GTF3C1: variants seen among roughly 807,000 people sequenced by gnomAD.
GTF3C1 encodes general transcription factor 3C polypeptide 1.
GTF3C1 carries 57 observed loss-of-function variants against 226.7 expected under a neutral mutation model. The observed-to-expected ratio is 0.25, with a 90% CI of 0.20 to 0.31. The LOEUF (loss-of-function observed/expected upper bound fraction) is 0.31. Ranked by LOEUF, GTF3C1 falls within the 10% of genes least tolerant of loss-of-function variation. GTF3C1 has a pLI of 1.00. For missense variants in GTF3C1, 2,217 were observed against 2,776.1 expected (o/e 0.80, Z 4.53); for synonymous variants, 1,090 against 1,084.8 (o/e 1.00, Z -0.09).
intron 4 of GTF3C1, among the ~76,000 whole-genome samples, chr16:27,537,522 A>C (rs2089019469): frequency 6.6e-6 from 1 of 152,072 alleles, no homozygotes; most frequent in Non-Finnish European, 1.5e-5. Flanking sequence ...CGATCCTCCT[A>C]CCTCAGCCTC....
chr16:27,526,447 AC>A (rs904831542), intron 6 of GTF3C1, among the ~76,000 whole-genome samples: 1 of 152,188 alleles, frequency 6.6e-6, no homozygotes, highest in African/African-American at 2.4e-5. Flanking sequence ...ACAATGCCAG[AC>A]TTCTGTCTCT....
At chr16:27,505,803 G>T in intron 10 of GTF3C1, 96 bp downstream of exon 10, 2 of 765,972 alleles carry the variant, frequency 2.6e-6, no homozygotes, top group South Asian at 1.6e-5. Flanking sequence ...TCTCGCTGTG[G>T]ATGATTCCAC....
Position 27,538,136 on chromosome 16 carries a change from A to C in GTF3C1, c.608+44T>G, listed in dbSNP as rs199533445. 48 of 1,380,440 alleles carry C rather than the reference A, an allele frequency of 3.5e-5. No individual in the cohort carries two copies. In the East Asian group the frequency reaches 1.1e-3, roughly 32 times the overall value. The allele number at this position is 1,380,440 out of a possible 1,614,324, so 85.5% of individuals were successfully genotyped here. ...CCCCTGCATTTGGGATTCAGGGTGCAATGACATATAATTTAAAGCAGAGAA... is the reference window on the plus strand; with the variant it reads ...CCCCTGCATTTGGGATTCAGGGTGCCATGACATATAATTTAAAGCAGAGAA... On this transcript the variant is annotated intron_variant, in intron 3 of 36. Transcript: ENST00000356183.
chr16:27,508,441 T>G (rs1293250421), intron 8 of GTF3C1, 99 bp downstream of exon 8: 1 of 911,036 alleles, frequency 1.1e-6, no homozygotes, highest in Non-Finnish European at 1.8e-6. Flanking sequence ...TTGACACAGA[T>G]GTCAGGCCAT....
chr16:27,501,850 A>C (rs972369519), intron 11 of GTF3C1, among the ~76,000 whole-genome samples: 2 of 152,144 alleles, frequency 1.3e-5, no homozygotes, highest in African/African-American at 4.8e-5. Flanking sequence ...TGCCTATAAT[A>C]CCAGCACTTT....
chr16:27,500,709 A>C (rs1420867461), intron 12 of GTF3C1, among the ~76,000 whole-genome samples: 1 of 152,102 alleles, frequency 6.6e-6, no homozygotes, highest in Non-Finnish European at 1.5e-5. Flanking sequence ...CCCCCCGCAA[A>C]CTTTAAATTT....
At chr16:27,511,577 A>C (rs191562702) in intron 7 of GTF3C1, among the ~76,000 whole-genome samples, 172 bp downstream of exon 7, 1 of 152,352 alleles carries the variant, frequency 6.6e-6, no homozygotes, top group African/African-American at 2.4e-5. Flanking sequence ...GTGGCAGAGC[A>C]AGGATTCAAA....
rs1596614271 is a variant in GTF3C1 at position 27,469,457 on chromosome 16, T to G, written c.4908A>C (p.Lys1636Asn). Reference sequence around the variant, plus strand: ...AGTTGGTGTGGGAGGCTTGCGCAGGTTTCACCTCCATGCTCCGGCGCTTGC... The same window carrying G: ...AGTTGGTGTGGGAGGCTTGCGCAGGGTTCACCTCCATGCTCCGGCGCTTGC... ...VGGKRRSMEV[K>N]PAQASHTNYL... The change falls in exon 32 of 37, where the codon AAA becomes AAC. Residue 1636 changes from lysine to asparagine, a missense_variant. This residue lies in a region of GTF3C1 where 455 missense variants were observed against 441.9 expected (regional missense o/e 1.03). Transcript: ENST00000356183. This position sits in a 1 kb window ranked among gnomAD's most constrained non-coding sequence, Gnocchi z 4.5. 1 of 1,613,986 alleles carries G rather than the reference T, an allele frequency of 6.2e-7. No individual in the cohort carries two copies. Among genetic ancestry groups the G allele is most frequent in the Non-Finnish European group, 8.5e-7 (1 of 1,179,992 alleles).
intron 6 of GTF3C1, among the ~76,000 whole-genome samples, chr16:27,524,106 C>A (rs2141431183): frequency 6.6e-6 from 1 of 152,306 alleles, no homozygotes; most frequent in East Asian, 1.9e-4. Context: ...AAGGGTCAGG[C>A]AAATGACATA....
Position 27,476,458 on chromosome 16 carries a change from G to A in GTF3C1, c.4346C>T (p.Ser1449Leu). 1 of 1,605,222 alleles carries A rather than the reference G, an allele frequency of 6.2e-7. No homozygotes were observed. The highest frequency in any genetic ancestry group is 8.5e-7 in the Non-Finnish European group (1 of 1,171,946). ...CGGGCAGCCGACACCCACCTGGAAT[G>A]ACTGGTAGGACTTCATCTGACTGTC... Reference protein sequence around the residue: ...LSDSQMKSYQSFQTFRLYREY... With the variant: ...LSDSQMKSYQLFQTFRLYREY... The change falls in exon 29 of 37, where the codon TCA becomes TTA. Residue 1449 changes from serine to leucine, a missense_variant. Physicochemically the swap from Ser to Leu is moderately radical, Grantham distance 145. Transcript: ENST00000356183.
Position 27,538,145 on chromosome 16 carries a change from T to C in GTF3C1, c.608+35A>G, listed in dbSNP as rs773219941. The stretch of plus-strand genomic sequence containing the variant: ...TTGGGATTCAGGGTGCAATGACATA[T>C]AATTTAAAGCAGAGAAGCAAATCCC... On this transcript the variant is annotated intron_variant, in intron 3 of 36. Transcript: ENST00000356183. 7 of 1,441,684 alleles carry C rather than the reference T, an allele frequency of 4.9e-6. No homozygotes were observed. The East Asian group carries it at 6.9e-5, about 14-fold the overall frequency. The allele number at this position is 1,441,684 out of a possible 1,614,324, so 89.3% of individuals were successfully genotyped here.
chr16:27,528,862 AC>A, intron 5 of GTF3C1, 141 bp from the exon 6 acceptor site: 1 of 842,356 alleles, frequency 1.2e-6, no homozygotes, highest in Non-Finnish European at 2.0e-6. Flanking sequence ...CTGCCAAGCT[AC>A]CTTGTCAAGG....
At chr16:27,473,857 A>G (rs947713190) in intron 29 of GTF3C1, among the ~76,000 whole-genome samples, 4 of 152,188 alleles carry the variant, frequency 2.6e-5, no homozygotes, top group Admixed American at 6.5e-5. Flanking sequence ...TGGCCATTAC[A>G]CCATCATCCT....
In GTF3C1 at chr16:27,538,241, G is replaced by T; in HGVS notation, c.547C>A (p.Arg183=). 6.2e-7 allele frequency: 1 copy of T among 1,611,926 alleles called. No individual in the cohort carries two copies. The highest frequency in any genetic ancestry group is 8.5e-7 in the Non-Finnish European group (1 of 1,178,148). The change falls in exon 3 of 37, where the codon CGG becomes AGG. Residue 183 remains arginine (R), a synonymous_variant. Coordinates refer to ENST00000356183, the MANE Select transcript of GTF3C1 (RefSeq NM_001520.4). ...CCTTGCCACCTGGACCGGCCTAGCC[G>T]TTCCAGGATGCAGTAGGAGAAGTCG... The part of the protein sequence containing the change: ...LPDFSYCILE[R]LGRSRWQGEL...
intron 32 of GTF3C1, chr16:27,466,425 AATAAGTATCATGTG>A (rs1352537838): frequency 6.6e-6 from 1 of 152,042 alleles, no homozygotes; most frequent in Non-Finnish European, 1.5e-5. Flanking sequence ...AAACTTAATT[AATAAGTATCATGTG>A]TGTTCTGGCA....
At chr16:27,484,634 A>G (rs77527768) in intron 24 of GTF3C1, among the ~76,000 whole-genome samples, 79 of 152,374 alleles carry the variant, frequency 5.2e-4, no homozygotes, top group African/African-American at 1.8e-3. Context: ...GCGGGGGGGA[A>G]CTGCCTGAAA....
rs1416351125 is a variant in GTF3C1, at chr16:27,483,141, A to T, written c.4002-16T>A. On this transcript the variant is annotated splice_polypyrimidine_tract_variant and intron_variant, in intron 25 of 36. Coordinates refer to ENST00000356183, the MANE Select transcript of GTF3C1 (RefSeq NM_001520.4). The stretch of plus-strand genomic sequence containing the variant: ...CAGGCACACTCTGCAGGAAGAGGAG[A>T]CAAAGCTGAAGTCTGGGAATTGCAA... 1 of 1,612,182 alleles carries T rather than the reference A, an allele frequency of 6.2e-7. No individual in the cohort carries two copies. The highest frequency in any genetic ancestry group is 8.5e-7 in the Non-Finnish European group (1 of 1,178,424).
At chr16:27,506,197 A>T (rs1476403192) in intron 9 of GTF3C1, 81 bp from the exon 10 acceptor site, 1 of 744,608 alleles carries the variant, frequency 1.3e-6, no homozygotes, top group Non-Finnish European at 2.3e-6. Flanking sequence ...CCAGACCCAC[A>T]CAGGCCAAAG....
At chr16:27,475,809 A>G (rs773060221) in intron 29 of GTF3C1, among the ~76,000 whole-genome samples, 2 of 152,158 alleles carry the variant, frequency 1.3e-5, no homozygotes, top group Non-Finnish European at 2.9e-5. Context: ...CACAACCAGA[A>G]TATCTTGGCA....
Sources: allele counts gnomAD v4.1 joint callset (sites outside exome capture counted in the v4.1 genomes callset), GRCh38; gene constraint gnomAD v4.1.1; regional missense constraint gnomAD v4.1.1; non-coding constraint Gnocchi (gnomAD v3.1); transcripts MANE v1.5; gene names NCBI Gene and HGNC (gene_info 2026-07-23, HGNC 2026-07-21).